Variants in ZNF701 observed in about 807,000 individuals in gnomAD.
The protein encoded by ZNF701 is zinc finger protein 701.
ZNF701 carries 6 observed loss-of-function variants against 7.1 expected under a neutral mutation model. The observed-to-expected ratio is 0.84, with a 90% CI of 0.46 to 1.66. The LOEUF is 1.66. Ranked by LOEUF, ZNF701 falls within the 40% of genes most tolerant of loss-of-function variation. The probability of loss-of-function intolerance (pLI) is 0.01; values close to 1 mark genes in which losing one functional copy is unlikely to be tolerated. For missense variants in ZNF701, 541 were observed against 559.2 expected, an observed-to-expected ratio of 0.97 and a Z score of 0.33; for synonymous variants, 166 against 188.2, an observed-to-expected ratio of 0.88 and a Z score of 0.97.
At chr19:52,571,433 G>A (rs1182109602) in intron 1 of ZNF701, among the ~76,000 whole-genome samples, 1 of 152,156 alleles carries the variant, frequency 6.6e-6, no homozygotes, top group Non-Finnish European at 1.5e-5. Context: ...GATGGGATAA[G>A]AGGCGGAAAT....
At chr19:52,588,514 A>G (rs1312611000), downstream of ZNF701, 2 of 289,894 alleles carry the variant, frequency 6.9e-6, no homozygotes, top group South Asian at 3.8e-5. Context: ...ATTAAATCTC[A>G]TATTTTTTTA....
chr19:52,588,499 G>T (rs1328650440), downstream of ZNF701: 3 of 227,844 alleles, frequency 1.3e-5, no homozygotes, highest in South Asian at 5.3e-5. Context: ...AAAAAAAAAA[G>T]AAAAATTAAA....
the ZNF701 span, among the ~76,000 whole-genome samples, chr19:52,593,755 A>G: frequency 3.6e-5 from 4 of 110,714 alleles, no homozygotes; most frequent in African/African-American, 3.6e-5. Context: ...CTCACATCCC[A>G]GACGGGGTGG....
chr19:52,598,864 C>T, the ZNF701 span: 1 of 152,246 alleles, frequency 6.6e-6, no homozygotes, highest in South Asian at 2.1e-4. Flanking sequence ...GAGCTCTGAT[C>T]TTGCCACCAC....
In ZNF701 at chr19:52,582,336, GAT is replaced by G. The variant is rs1438634116; in HGVS notation, c.280_281del (p.Ile94SerfsTer2). 6.2e-7 allele frequency: 1 copy of G among 1,613,786 alleles called. No homozygotes were observed. Among genetic ancestry groups the G allele is most frequent in the Non-Finnish European group, 8.5e-7 (1 of 1,179,940 alleles). ...GDTCFQEIEK[D>X]IHDFVFQWQE... ...TACTTGCTTCCAGGAAATTGAGAAAGATATTCATGACTTTGTGTTTCAGTGGC... is the reference window on the plus strand; with the variant it reads ...TACTTGCTTCCAGGAAATTGAGAAAGATTCATGACTTTGTGTTTCAGTGGC... On this transcript the variant is annotated frameshift_variant, in exon 4 of 4. Coordinates refer to ENST00000391785, the MANE Select transcript of ZNF701 (RefSeq NM_018260.3). LOFTEE classifies it low-confidence loss of function (END_TRUNC).
chr19:52,596,954 G>A, the ZNF701 span: 1 of 646,684 alleles, frequency 1.5e-6, no homozygotes, highest in Non-Finnish European at 2.9e-6. Context: ...CCTTAAGTGG[G>A]AAGTCGTCAC....
chr19:52,580,178 T>G, intron 3 of ZNF701, among the ~76,000 whole-genome samples: 1 of 122,746 alleles, frequency 8.1e-6, no homozygotes, highest in Non-Finnish European at 1.5e-5. Context: ...CTCCTGACCT[T>G]GTGATCCATC....
At chr19:52,590,676 T>C (rs1268236876), downstream of ZNF701, among the ~76,000 whole-genome samples, 5 of 152,122 alleles carry the variant, frequency 3.3e-5, no homozygotes, top group Non-Finnish European at 7.4e-5. Flanking sequence ...CACTTTATCC[T>C]CTGCTCTCCA....
chr19:52,572,347 A>G (rs2059906804), intron 1 of ZNF701: 3 of 1,288,124 alleles, frequency 2.3e-6, no homozygotes, highest in African/African-American at 3.0e-5. Flanking sequence ...GAGCCACCGC[A>G]CTCAGCCTCC....
At chr19:52,576,260 G>T (rs768496874) in intron 3 of ZNF701, among the ~76,000 whole-genome samples, 15 of 152,128 alleles carry the variant, frequency 9.9e-5, no homozygotes, top group Non-Finnish European at 1.8e-4. Flanking sequence ...CTTATGGCAG[G>T]CCAGGCGTGG....
intron 3 of ZNF701, among the ~76,000 whole-genome samples, chr19:52,580,311 CA>C (rs1207650328): frequency 2.6e-5 from 4 of 151,904 alleles, no homozygotes; most frequent in Non-Finnish European, 4.4e-5. Flanking sequence ...CGTATATATA[CA>C]GTGTTTTTTC....
intron 3 of ZNF701, 109 bp downstream of exon 3, chr19:52,576,130 A>T: frequency 6.3e-7 from 1 of 1,583,404 alleles, no homozygotes; most frequent in Non-Finnish European, 8.5e-7. Context: ...TGGAAGCCGT[A>T]TTGAGTTAGA....
intron 2 of ZNF701, among the ~76,000 whole-genome samples, chr19:52,575,009 G>A (rs561683227): frequency 6.6e-6 from 1 of 152,040 alleles, no homozygotes; most frequent in African/African-American, 2.4e-5. Flanking sequence ...TCGCTCTGTT[G>A]CCCAGGCTGT....
chr19:52,578,359 T>C (rs1390455672), intron 3 of ZNF701, among the ~76,000 whole-genome samples: 1 of 151,520 alleles, frequency 6.6e-6, no homozygotes, highest in Non-Finnish European at 1.5e-5. Flanking sequence ...CCCCTTGTCC[T>C]ATGATCACGT....
intron 1 of ZNF701, chr19:52,572,356 C>G: frequency 7.8e-7 from 1 of 1,288,770 alleles, no homozygotes. Flanking sequence ...CACTCAGCCT[C>G]CCTGTTTTGA....
chr19:52,578,835 G>A (rs1164735692), intron 3 of ZNF701, among the ~76,000 whole-genome samples: 1 of 152,134 alleles, frequency 6.6e-6, no homozygotes, highest in African/African-American at 2.4e-5. Flanking sequence ...TCGGCTCACT[G>A]CAAGCTCCAC....
Position 52,583,837 on chromosome 19 carries a change from CA to C in ZNF701, c.*384del. ...GTCTTCAGTAATATTACAGCCATTG[CA>C]AAACATTGGAGAATCCATAATGAAG... On this transcript the variant is annotated 3_prime_UTR_variant, in exon 4 of 4. Transcript: ENST00000391785. 1 of 534,226 alleles carries C rather than the reference CA, an allele frequency of 1.9e-6. No homozygotes were observed. The highest frequency in any genetic ancestry group is 3.6e-6 in the Non-Finnish European group (1 of 279,770). The allele number at this position is 534,226 out of a possible 1,614,324, so 33.1% of individuals were successfully genotyped here.
At chr19:52,596,846 C>T in the ZNF701 span, 1 of 547,294 alleles carries the variant, frequency 1.8e-6, no homozygotes, top group South Asian at 1.4e-5. Flanking sequence ...TCATAGACTT[C>T]ATACTGTCTA....
chr19:52,572,919 A>G (rs2059910278), intron 1 of ZNF701, among the ~76,000 whole-genome samples: 1 of 152,000 alleles, frequency 6.6e-6, no homozygotes, highest in African/African-American at 2.4e-5. Flanking sequence ...CTATTTCTCT[A>G]AATGCTCACA....
Sources: gnomAD v4.1 joint callset for allele counts (sites outside exome capture counted in the v4.1 genomes callset) on GRCh38, gnomAD v4.1.1 for gene constraint, MANE v1.5 for transcripts, NCBI Gene and HGNC (gene_info 2026-07-23, HGNC 2026-07-21) for gene names.